Variants in TBC1D22A observed in about 807,000 individuals in gnomAD.
TBC1D22A encodes TBC1 domain family member 22A, also known as putative GTPase activator.
In TBC1D22A, 38 loss-of-function variants were observed where a neutral mutation model predicts 60.2. The observed-to-expected ratio is 0.63, with a 90% CI of 0.49 to 0.83. TBC1D22A has a LOEUF of 0.83. Ranked by LOEUF, TBC1D22A falls within the 40% of genes least tolerant of loss-of-function variation. The pLI, the probability that TBC1D22A is intolerant of heterozygous loss-of-function variation, is 0.00. For synonymous variants in TBC1D22A, 302 were observed against 281.7 expected (o/e 1.07, Z -0.72); for missense variants, 628 against 701.0 (o/e 0.90, Z 1.18).
At chr22:46,781,147 T>TG (rs1252227881) in intron 1 of TBC1D22A, among the ~76,000 whole-genome samples, 1 of 150,796 alleles carries the variant, frequency 6.6e-6, no homozygotes, top group Non-Finnish European at 1.5e-5. Context: ...TTTGTTTTTT[T>TG]TTTTTTTTTT....
chr22:46,942,151 A>G (rs1429006726), intron 8 of TBC1D22A, among the ~76,000 whole-genome samples: 2 of 151,918 alleles, frequency 1.3e-5, no homozygotes, highest in Admixed American at 6.6e-5. Context: ...ATACATATAT[A>G]TACACACAGT....
intron 4 of TBC1D22A, among the ~76,000 whole-genome samples, chr22:46,825,195 G>A (rs531901953): frequency 6.6e-6 from 1 of 152,104 alleles, no homozygotes. Flanking sequence ...ACTTAAAATC[G>A]ATGACTAAAC....
At chr22:46,823,281 T>C (rs1003172287) in intron 4 of TBC1D22A, among the ~76,000 whole-genome samples, 1 of 152,174 alleles carries the variant, frequency 6.6e-6, no homozygotes, top group Admixed American at 6.5e-5. Context: ...TTCAAAGGTG[T>C]GATATAGAAA....
At chr22:46,763,032 A>G (rs2083155900) in intron 1 of TBC1D22A, among the ~76,000 whole-genome samples, 184 bp downstream of exon 1, 1 of 151,818 alleles carries the variant, frequency 6.6e-6, no homozygotes, top group African/African-American at 2.4e-5. Context: ...TGGGGGTGAC[A>G]GTGGCTGCAC....
intron 8 of TBC1D22A, among the ~76,000 whole-genome samples, chr22:46,963,532 T>G (rs2073648599): frequency 6.6e-6 from 1 of 152,232 alleles, no homozygotes; most frequent in Non-Finnish European, 1.5e-5. Flanking sequence ...CTACACATAT[T>G]GTTCAGGAAA....
chr22:46,872,331 G>A (rs1014371794), intron 4 of TBC1D22A, among the ~76,000 whole-genome samples: 5 of 151,918 alleles, frequency 3.3e-5, no homozygotes, highest in African/African-American at 9.7e-5. Context: ...ACATAATCCC[G>A]ATACCAAAAT....
intron 12 of TBC1D22A, among the ~76,000 whole-genome samples, chr22:47,145,098 G>T (rs1258606016): frequency 2.6e-5 from 4 of 152,238 alleles, no homozygotes; most frequent in Non-Finnish European, 4.4e-5. Flanking sequence ...TCTCACAGCA[G>T]CCTGGCAAGG....
chr22:47,057,243 T>TG (rs1266707747), intron 11 of TBC1D22A, among the ~76,000 whole-genome samples: 1 of 152,246 alleles, frequency 6.6e-6, no homozygotes, highest in African/African-American at 2.4e-5. Context: ...GGCAGCTGGC[T>TG]GGGGTTCTCT....
intron 4 of TBC1D22A, among the ~76,000 whole-genome samples, chr22:46,830,592 G>A (rs1400822339): frequency 6.6e-6 from 1 of 152,190 alleles, no homozygotes; most frequent in Non-Finnish European, 1.5e-5. Flanking sequence ...GACAGTGTGT[G>A]TCACATCACT....
At chr22:47,169,447 G>A (rs1237915835) in intron 12 of TBC1D22A, among the ~76,000 whole-genome samples, 1 of 152,174 alleles carries the variant, frequency 6.6e-6, no homozygotes, top group African/African-American at 2.4e-5. Flanking sequence ...AGGACAATGG[G>A]GCATTTTTTT....
chr22:47,143,134 C>G (rs1477089753), intron 12 of TBC1D22A, among the ~76,000 whole-genome samples: 1 of 152,072 alleles, frequency 6.6e-6, no homozygotes, highest in African/African-American at 2.4e-5. Context: ...ACCTTTTCTC[C>G]TGGAAGCCCC....
chr22:46,998,375 A>C (rs1279863214), intron 10 of TBC1D22A, among the ~76,000 whole-genome samples: 2 of 152,182 alleles, frequency 1.3e-5, no homozygotes, highest in Non-Finnish European at 2.9e-5. Flanking sequence ...AAGTGATGCC[A>C]AGCAGAACCG....
chr22:47,049,984 G>C (rs1215894788), intron 11 of TBC1D22A, among the ~76,000 whole-genome samples: 2 of 152,224 alleles, frequency 1.3e-5, no homozygotes, highest in African/African-American at 4.8e-5. Flanking sequence ...GGTTTGCCCT[G>C]CAGCCAGCAG....
At chr22:47,082,484 C>T (rs924447728) in intron 11 of TBC1D22A, among the ~76,000 whole-genome samples, 3 of 152,152 alleles carry the variant, frequency 2.0e-5, no homozygotes, top group African/African-American at 7.2e-5. Context: ...ATAATACATA[C>T]ATCTGACAAA....
chr22:47,116,384 G>A (rs2066056047), intron 12 of TBC1D22A: 1 of 152,274 alleles, frequency 6.6e-6, no homozygotes, highest in Admixed American at 6.5e-5. Context: ...ATGAAGTCAG[G>A]AACCTCCTCT....
intron 4 of TBC1D22A, among the ~76,000 whole-genome samples, chr22:46,827,144 G>A (rs1403974766): frequency 6.6e-6 from 1 of 152,128 alleles, no homozygotes; most frequent in Non-Finnish European, 1.5e-5. Context: ...GCACTCTTTG[G>A]TTATAATCTG....
chr22:46,894,126 TG>T (rs2068548046), intron 6 of TBC1D22A, among the ~76,000 whole-genome samples: 1 of 152,178 alleles, frequency 6.6e-6, no homozygotes, highest in Non-Finnish European at 1.5e-5. Flanking sequence ...AACGGGAGCG[TG>T]GGCTAGTGTG....
chr22:46,774,275 G>T (rs2083607790), intron 1 of TBC1D22A: 2 of 985,394 alleles, frequency 2.0e-6, no homozygotes, highest in Non-Finnish European at 1.2e-6. Context: ...TGTTCTCTTT[G>T]CAGACAAGAG....
chr22:46,802,398 C>G (rs2084936345), intron 4 of TBC1D22A, among the ~76,000 whole-genome samples: 1 of 152,228 alleles, frequency 6.6e-6, no homozygotes, highest in Non-Finnish European at 1.5e-5. Context: ...GGGGCGAGAT[C>G]TGCACGGAGT....
Sources: gnomAD v4.1 joint callset for allele counts (sites outside exome capture counted in the v4.1 genomes callset) on GRCh38, gnomAD v4.1.1 for gene constraint, MANE v1.5 for transcripts, NCBI Gene and HGNC (gene_info 2026-07-23, HGNC 2026-07-21) for gene names.